Variants in GLCCI1 observed in about 807,000 individuals in gnomAD.
GLCCI1 encodes glucocorticoid induced 1.
In GLCCI1, 24 loss-of-function variants were observed where a neutral mutation model predicts 52.2. That is an observed-to-expected ratio of 0.46 (90% CI 0.33 to 0.65). GLCCI1 has a LOEUF of 0.65. GLCCI1 is among the 30% of genes least tolerant of loss of function. GLCCI1 has a pLI of 0.02. For missense variants in GLCCI1, 704 were observed against 701.5 expected (o/e 1.00, Z -0.04); for synonymous variants, 310 against 276.5 (o/e 1.12, Z -1.20).
At chr7:7,988,351 A>G (rs1250853151) in intron 1 of GLCCI1, among the ~76,000 whole-genome samples, 1 of 152,172 alleles carries the variant, frequency 6.6e-6, no homozygotes, top group Non-Finnish European at 1.5e-5. Flanking sequence ...TAGTATCATC[A>G]GTGTGAAATT....
intron 3 of GLCCI1, among the ~76,000 whole-genome samples, chr7:8,040,674 T>C (rs1007018494): frequency 6.6e-6 from 1 of 152,092 alleles, no homozygotes; most frequent in African/African-American, 2.4e-5. Flanking sequence ...TGGAAAACAC[T>C]TTGCTAGTTT....
At chr7:7,988,625 G>T (rs1301432023) in intron 1 of GLCCI1, among the ~76,000 whole-genome samples, 1 of 152,062 alleles carries the variant, frequency 6.6e-6, no homozygotes, top group African/African-American at 2.4e-5. Context: ...AGAACCTAAT[G>T]TGGAGAGTAA....
At chr7:7,972,138 C>T (rs1168750270) in intron 1 of GLCCI1, among the ~76,000 whole-genome samples, 1 of 152,192 alleles carries the variant, frequency 6.6e-6, no homozygotes, top group East Asian at 1.9e-4. Context: ...ATTATCTTCT[C>T]AATTTCTTTT....
At position 8,071,086 on chromosome 7, in the gene GLCCI1, G is replaced by A; in HGVS notation, c.1132G>A (p.Gly378Ser). 1.2e-6 allele frequency: 2 copies of A among 1,614,148 alleles called. No homozygotes were observed. Among genetic ancestry groups the A allele is most frequent in the Non-Finnish European group, 1.7e-6 (2 of 1,180,022 alleles). ...TTTTTGTCCCCCGGAATCCCAGGAT[G>A]GTAGCCCTTGCTCAACAGAAGATTT... Reference protein sequence around the residue: ...SPFCPPESQDGSPCSTEDLLY... With the variant: ...SPFCPPESQDSSPCSTEDLLY... Residue 378 changes from glycine (G) to serine (S), a missense_variant, in exon 6 of 8, where the codon GGT (glycine) becomes AGT (serine). By Grantham distance (56) the Gly-to-Ser change is moderately conservative. Around this residue, in one of 3 missense-constraint regions of GLCCI1, gnomAD observed 547 missense variants for 524.8 expected, o/e 1.04. Transcript: ENST00000223145.
chr7:8,004,156 G>T, intron 2 of GLCCI1, 97 bp downstream of exon 2: 1 of 1,122,846 alleles, frequency 8.9e-7, no homozygotes, highest in South Asian at 1.8e-5. Flanking sequence ...CCCCAAATTT[G>T]AAATACATCC....
At chr7:7,993,367 T>G (rs191571812) in intron 1 of GLCCI1, among the ~76,000 whole-genome samples, 4 of 152,354 alleles carry the variant, frequency 2.6e-5, no homozygotes, top group African/African-American at 7.2e-5. Flanking sequence ...TTTGCTTCTG[T>G]CTGCTCAATT....
At chr7:8,052,778 A>G (rs769846266) in intron 3 of GLCCI1, among the ~76,000 whole-genome samples, 5 of 152,196 alleles carry the variant, frequency 3.3e-5, no homozygotes, top group Admixed American at 6.5e-5. Context: ...GTGATAATCT[A>G]TAACATTTTT....
intron 2 of GLCCI1, among the ~76,000 whole-genome samples, chr7:8,014,666 T>G: frequency 6.6e-6 from 1 of 152,358 alleles, no homozygotes; most frequent in East Asian, 1.9e-4. Flanking sequence ...TGAAAGGATT[T>G]TACCTAAGTA....
chr7:8,037,739 G>A (rs1218633546), intron 3 of GLCCI1, among the ~76,000 whole-genome samples: 2 of 152,090 alleles, frequency 1.3e-5, no homozygotes, highest in African/African-American at 4.8e-5. Flanking sequence ...GTGAGCAGGA[G>A]TAGTCATACT....
chr7:8,022,044 A>G (rs977679920), intron 2 of GLCCI1, among the ~76,000 whole-genome samples: 2 of 152,218 alleles, frequency 1.3e-5, no homozygotes, highest in African/African-American at 4.8e-5. Flanking sequence ...AAAGTAGTAC[A>G]ATCAGCCCTC....
intron 3 of GLCCI1, among the ~76,000 whole-genome samples, chr7:8,039,428 A>G (rs1781947168): frequency 6.6e-6 from 1 of 152,164 alleles, no homozygotes; most frequent in South Asian, 2.1e-4. Flanking sequence ...ATATATGTAT[A>G]TACACACACC....
intron 2 of GLCCI1, among the ~76,000 whole-genome samples, chr7:8,008,235 C>G (rs2115430486): frequency 6.6e-6 from 1 of 151,596 alleles, no homozygotes; most frequent in East Asian, 1.9e-4. Flanking sequence ...GACTCCTAGC[C>G]TCTGATAACC....
intron 5 of GLCCI1, among the ~76,000 whole-genome samples, chr7:8,068,855 G>A (rs1341400405): frequency 6.6e-6 from 1 of 152,134 alleles, no homozygotes; most frequent in Non-Finnish European, 1.5e-5. Flanking sequence ...GTTTTTATTT[G>A]TAGCTGACTT....
In GLCCI1 at chr7:8,055,562, C is replaced by T. The variant is rs367562767; in HGVS notation, c.813+13C>T. On this transcript the variant is annotated intron_variant, in intron 4 of 7. Coordinates refer to ENST00000223145, the MANE Select transcript of GLCCI1 (RefSeq NM_138426.4). ...CAGTCACACTCAGGTAGGCTAACTT[C>T]TTGTCCAGATTTGAATAATTACTTT... is the stretch of plus-strand genomic sequence containing the variant. 2.2e-5 allele frequency: 31 copies of T among 1,441,736 alleles called. No homozygotes were observed. Among genetic ancestry groups the T allele is most frequent in the Non-Finnish European group, 2.8e-5 (29 of 1,024,070 alleles). The allele number at this position is 1,441,736 out of a possible 1,614,324, so 89.3% of individuals were successfully genotyped here. A position where few individuals can be genotyped will look rare whatever the true frequency, so the allele number is the denominator to read the frequency against.
At chr7:7,997,926 CAAATAAATAAATAAATAAAT>C (rs55772533) in intron 1 of GLCCI1, among the ~76,000 whole-genome samples, 2,334 of 139,264 alleles carry the variant, frequency 0.017, 67 homozygotes, top group African/African-American at 0.055. Flanking sequence ...GACTCTGTCT[CAAATAAATAAATAAATAAAT>C]AAATAAATAA....
Position 8,087,133 on chromosome 7 carries a change from G to A in GLCCI1, c.*595G>A, listed in dbSNP as rs1026148382. 6.6e-6 allele frequency: 1 copy of A among 152,576 alleles called. No individual in the cohort carries two copies. Among genetic ancestry groups the A allele is most frequent in the Non-Finnish European group, 1.5e-5 (1 of 68,032 alleles). The allele number at this position is 152,576 out of a possible 1,614,324, so 9.5% of individuals were successfully genotyped here. On this transcript the variant is annotated 3_prime_UTR_variant, in exon 8 of 8. Transcript: ENST00000223145. ...TTTCACAGCTAAAAAGCTAAAGAGG[G>A]AACATCACTCTTTTGCCTTTCCTTA...
At chr7:8,054,588 C>T (rs1007882445) in intron 3 of GLCCI1, among the ~76,000 whole-genome samples, 1 of 151,968 alleles carries the variant, frequency 6.6e-6, no homozygotes, top group Non-Finnish European at 1.5e-5. Flanking sequence ...CATGGTTATT[C>T]AAGGTAAATA....
At chr7:7,976,921 CA>C (rs35442365) in intron 1 of GLCCI1, among the ~76,000 whole-genome samples, 328 of 118,686 alleles carry the variant, frequency 2.8e-3, no homozygotes, top group Middle Eastern at 4.4e-3. Context: ...GGTGTTGTCT[CA>C]AAAAAAAAAA....
intron 1 of GLCCI1, among the ~76,000 whole-genome samples, chr7:7,980,020 C>A (rs181796824): frequency 6.6e-6 from 1 of 152,162 alleles, no homozygotes; most frequent in Non-Finnish European, 1.5e-5. Flanking sequence ...ACTGTAACCT[C>A]TGCCTCCTGC....
Sources: allele counts gnomAD v4.1 joint callset (sites outside exome capture counted in the v4.1 genomes callset), GRCh38; gene constraint gnomAD v4.1.1; regional missense constraint gnomAD v4.1.1; transcripts MANE v1.5; gene names NCBI Gene and HGNC (gene_info 2026-07-23, HGNC 2026-07-21).